HDAC9: variants seen among roughly 807,000 people sequenced by gnomAD.
HDAC9 encodes MEF-2 interacting transcription repressor (MITR) protein.
A neutral mutation model predicts 139.4 loss-of-function variants in HDAC9; 41 were observed. The observed-to-expected ratio is 0.29, with a 90% CI of 0.23 to 0.38. The LOEUF is 0.38. Ranked by LOEUF, HDAC9 falls within the 10% of genes least tolerant of loss-of-function variation. HDAC9 has a pLI of 1.00. For synonymous variants in HDAC9, 517 were observed against 476.2 expected (o/e 1.09, Z -1.12); for missense variants, 1,147 against 1,297.0 (o/e 0.88, Z 1.78).
rs1786454925 is a variant in HDAC9, at chr7:18,996,225, G to A, written c.*163G>A. On this transcript the variant is annotated 3_prime_UTR_variant, in exon 26 of 26. Coordinates refer to ENST00000686413, the MANE Select transcript of HDAC9 (RefSeq NM_178425.4). ...GAACAGCAGCTTCACTTGTTCTTTG[G>A]ATGGACTTGAAAGGGCATTAAAGAT... 4 of 541,368 alleles carry A rather than the reference G, an allele frequency of 7.4e-6. No individual in the cohort carries two copies. The highest frequency in any genetic ancestry group is 1.3e-5 in the Non-Finnish European group (4 of 300,056). 33.5% of individuals were successfully genotyped at this position (541,368 alleles called of 1,614,324 possible).
rs562162168 is a variant in HDAC9, at chr7:18,903,386, C to T, written c.2803+28790C>T. Among the ~76,000 whole-genome samples, 5 of 152,308 alleles carry T rather than the reference C, an allele frequency of 3.3e-5. No individual in the cohort carries two copies. In the East Asian group the frequency reaches 5.8e-4, roughly 18 times the overall value. ...TGGTGTTAGACCAAAATCAGGGAAT[C>T]GGTAATAATCCTTTCAAGTTTTAAT... On this transcript the variant is annotated intron_variant, in intron 22 of 25. Coordinates refer to ENST00000686413, the MANE Select transcript of HDAC9 (RefSeq NM_178425.4).
At chr7:18,655,658 GTGGAT>G (rs768863543) in intron 11 of HDAC9, among the ~76,000 whole-genome samples, 1 of 152,196 alleles carries the variant, frequency 6.6e-6, no homozygotes, top group Non-Finnish European at 1.5e-5. Context: ...GACCATTTCA[GTGGAT>G]TAATGTGCAG....
At chr7:18,141,892 T>C (rs74510604) in intron 1 of HDAC9, among the ~76,000 whole-genome samples, 126 of 152,302 alleles carry the variant, frequency 8.3e-4, no homozygotes, top group African/African-American at 2.9e-3. Context: ...AGATTTGAAA[T>C]ATTTTAGGGA....
At chr7:18,658,601 C>G (rs1005389272) in intron 11 of HDAC9, among the ~76,000 whole-genome samples, 1 of 151,972 alleles carries the variant, frequency 6.6e-6, no homozygotes, top group Non-Finnish European at 1.5e-5. Flanking sequence ...GAAAATCTTT[C>G]TTCTCTTGTT....
At chr7:18,107,347 G>T (rs1462004300) in intron 1 of HDAC9, among the ~76,000 whole-genome samples, 1 of 152,132 alleles carries the variant, frequency 6.6e-6, no homozygotes, top group Non-Finnish European at 1.5e-5. Flanking sequence ...GAAAGTGTTT[G>T]GTAAGTTTTG....
chr7:18,281,436 A>C (rs554195573), intron 2 of HDAC9, among the ~76,000 whole-genome samples: 2 of 152,342 alleles, frequency 1.3e-5, no homozygotes, highest in South Asian at 2.1e-4. Flanking sequence ...CGTAACTTCT[A>C]GTCTTCAAAT....
intron 2 of HDAC9, among the ~76,000 whole-genome samples, chr7:18,527,434 G>A (rs1299974088): frequency 2.6e-5 from 4 of 152,062 alleles, no homozygotes; most frequent in Non-Finnish European, 5.9e-5. Flanking sequence ...AATTACTGAG[G>A]GTGTCTGGGT....
At chr7:18,779,087 T>G (rs1791024509) in intron 16 of HDAC9, among the ~76,000 whole-genome samples, 1 of 152,102 alleles carries the variant, frequency 6.6e-6, no homozygotes, top group South Asian at 2.1e-4. Flanking sequence ...GCTCTGTTTC[T>G]TTTTCATCTC....
intron 2 of HDAC9, among the ~76,000 whole-genome samples, chr7:18,575,114 G>A (rs985040204): frequency 6.6e-6 from 1 of 152,170 alleles, no homozygotes; most frequent in African/African-American, 2.4e-5. Context: ...TCTATTTTTG[G>A]TGATAGCAAA....
At chr7:18,834,554 G>C (rs1325549112) in intron 19 of HDAC9, among the ~76,000 whole-genome samples, 2 of 147,578 alleles carry the variant, frequency 1.4e-5, no homozygotes, top group Non-Finnish European at 3.0e-5. Context: ...GAGTGGGAAA[G>C]AGGACTGGTG....
At chr7:18,765,819 A>G (rs1562925753) in intron 15 of HDAC9, among the ~76,000 whole-genome samples, 1 of 152,120 alleles carries the variant, frequency 6.6e-6, no homozygotes, top group Non-Finnish European at 1.5e-5. Context: ...TGTGCCTTTT[A>G]CTGGTGCCAA....
chr7:18,693,195 A>G (rs1782795575), intron 12 of HDAC9, among the ~76,000 whole-genome samples: 1 of 152,060 alleles, frequency 6.6e-6, no homozygotes, highest in Admixed American at 6.6e-5. Flanking sequence ...ATACACTGAG[A>G]TAAGGTTATA....
At chr7:18,201,463 C>T (rs1477656001) in intron 2 of HDAC9, among the ~76,000 whole-genome samples, 1 of 152,204 alleles carries the variant, frequency 6.6e-6, no homozygotes. Context: ...ATGCCTTTAA[C>T]AGTCCCCTAC....
chr7:18,649,715 T>C (rs1201918557), intron 11 of HDAC9, among the ~76,000 whole-genome samples: 1 of 152,088 alleles, frequency 6.6e-6, no homozygotes. Flanking sequence ...CACTTGCTGG[T>C]TTTATGGCAA....
chr7:18,874,509 G>C lies in HDAC9; in HGVS notation c.2716G>C (p.Asp906His), dbSNP rs866952138. ...TIVKPVAKEFDPDMVLVSAGF... is the reference protein window; with the variant it reads ...TIVKPVAKEFHPDMVLVSAGF... ...CGTGAAGCCTGTGGCCAAAGAGTTTGATCCAGACATGGTCTTAGTATCTGC... is the reference window on the plus strand; with the variant it reads ...CGTGAAGCCTGTGGCCAAAGAGTTTCATCCAGACATGGTCTTAGTATCTGC... The change falls in exon 22 of 26, where the codon GAT becomes CAT. Residue 906 changes from aspartate (D) to histidine (H), a missense_variant. Asp to His is a moderately conservative substitution (Grantham distance 81). This residue lies in a region of HDAC9 where 407 missense variants were observed against 521.5 expected (regional missense o/e 0.78). Coordinates refer to ENST00000686413, the MANE Select transcript of HDAC9 (RefSeq NM_178425.4). 1 of 1,592,074 alleles carries C rather than the reference G, an allele frequency of 6.3e-7. No homozygotes were observed. The highest frequency in any genetic ancestry group is 2.3e-5 in the East Asian group (1 of 44,104).
chr7:18,271,182 G>A (rs1056034826), intron 2 of HDAC9, among the ~76,000 whole-genome samples: 6 of 152,060 alleles, frequency 3.9e-5, no homozygotes, highest in Non-Finnish European at 4.4e-5. Context: ...GTGTAATTGG[G>A]GAAGAAAACA....
chr7:18,990,629 G>A lies in HDAC9; in HGVS notation c.3171-5394G>A, dbSNP rs561293043. 5.5e-3 allele frequency among the ~76,000 whole-genome samples: 808 copies of A among 146,686 alleles called. 7 individuals are homozygous for A. Among genetic ancestry groups the A allele is most frequent in the African/African-American group, 0.021 (753 of 36,240 alleles). On this transcript the variant is annotated intron_variant, in intron 25 of 25. Transcript: ENST00000686413. ...TACCTAAGCAAGGCTGGGCAATGGCGGGCGCCCCTCCCCCAGCCTGGCTGC... is the reference window on the plus strand; with the variant it reads ...TACCTAAGCAAGGCTGGGCAATGGCAGGCGCCCCTCCCCCAGCCTGGCTGC...
chr7:18,318,709 C>G (rs1483964876), intron 1 of HDAC9, among the ~76,000 whole-genome samples: 1 of 152,140 alleles, frequency 6.6e-6, no homozygotes, highest in Non-Finnish European at 1.5e-5. Context: ...CAGAGAAGGT[C>G]TGTGCTTTGG....
intron 1 of HDAC9, among the ~76,000 whole-genome samples, chr7:18,350,623 G>A (rs188386804): frequency 6.6e-6 from 1 of 152,246 alleles, no homozygotes; most frequent in African/African-American, 2.4e-5. Context: ...GTTCTATGAC[G>A]GGGTTTCTAA....
Sources: allele counts gnomAD v4.1 joint callset (sites outside exome capture counted in the v4.1 genomes callset), GRCh38; gene constraint gnomAD v4.1.1; regional missense constraint gnomAD v4.1.1; transcripts MANE v1.5; gene names NCBI Gene and HGNC (gene_info 2026-07-23, HGNC 2026-07-21).